The following ECPAS variants were observed in gnomAD, a reference collection of about 807,000 sequenced individuals.
The protein encoded by ECPAS is Ecm29 proteasome adaptor and scaffold.
ECPAS carries 70 observed loss-of-function variants against 255.1 expected under a neutral mutation model. The ratio of observed to expected loss-of-function variants is 0.27; its 90% CI spans 0.23 to 0.33. ECPAS has a LOEUF of 0.33. ECPAS is among the 10% of genes least tolerant of loss of function. The pLI is 1.00. For missense variants in ECPAS, 1,817 were observed against 2,206.4 expected (o/e 0.82, Z 3.54); for synonymous variants, 784 against 775.0 (o/e 1.01, Z -0.19).
In ECPAS at chr9:111,371,608, A is replaced by ATGGT. The variant is rs1209335113; in HGVS notation, c.4737+9_4737+12dup. 1 of 1,610,058 alleles carries ATGGT rather than the reference A, an allele frequency of 6.2e-7. No homozygotes were observed. Among genetic ancestry groups the ATGGT allele is most frequent in the East Asian group, 2.2e-5 (1 of 44,860 alleles). On this transcript the variant is annotated intron_variant, in intron 43 of 49. Transcript: ENST00000684092. ...TCAGAATCCCTTTAACTGGGTATGA[A>ATGGT]TGGTTCCTTTACCTTTCCTGCCCAC...
Position 111,451,684 on chromosome 9 carries a change from T to A in ECPAS, c.23-129A>T, listed in dbSNP as rs1589217391. The A allele has an allele frequency of 2.5e-5, 20 of 786,968 alleles. No individual in the cohort carries two copies. The East Asian group carries it at 5.4e-4, about 21-fold the overall frequency. 48.7% of individuals were successfully genotyped at this position (786,968 alleles called of 1,614,324 possible). A position where few individuals can be genotyped will look rare whatever the true frequency, so the allele number is the denominator to read the frequency against. ...TCAGGACTTTAACCACAGCTAGCCCTATACAGATATTTTGACACAGCAACA... is the reference window on the plus strand; with the variant it reads ...TCAGGACTTTAACCACAGCTAGCCCAATACAGATATTTTGACACAGCAACA... On this transcript the variant is annotated intron_variant, in intron 2 of 49. Transcript: ENST00000684092.
At chr9:111,410,291 GTT>G in intron 22 of ECPAS, 78 bp from the exon 23 acceptor site, 1 of 1,263,548 alleles carries the variant, frequency 7.9e-7, no homozygotes, top group Non-Finnish European at 1.1e-6. Context: ...TGTACTCAAG[GTT>G]TTTTTTAAGA....
At chr9:111,472,380 A>C (rs1285987640) in intron 2 of ECPAS, among the ~76,000 whole-genome samples, 1 of 152,052 alleles carries the variant, frequency 6.6e-6, no homozygotes, top group Non-Finnish European at 1.5e-5. Context: ...CCTTGTGCAC[A>C]GTGCTAAATA....
At position 111,423,255 on chromosome 9, in the gene ECPAS, AT is replaced by A; in HGVS notation, c.1216-8del. ...TTGACAGTAGTTTAGGGTCCTTGAA[AT>A]TAAAAAAAGAAAAGAAAGAAAAGAA... is the stretch of plus-strand genomic sequence containing the variant. On this transcript the variant is annotated splice_polypyrimidine_tract_variant and splice_region_variant and intron_variant, in intron 12 of 49. Transcript: ENST00000684092. 1 of 1,545,724 alleles carries A rather than the reference AT, an allele frequency of 6.5e-7. No homozygotes were observed.
intron 6 of ECPAS, among the ~76,000 whole-genome samples, chr9:111,439,413 T>C (rs1450826552): frequency 6.6e-6 from 1 of 151,990 alleles, no homozygotes; most frequent in Non-Finnish European, 1.5e-5. Flanking sequence ...GGACTATAGG[T>C]GCATGCCATG....
chr9:111,406,306 G>A (rs1386102757), intron 24 of ECPAS, among the ~76,000 whole-genome samples: 1 of 149,670 alleles, frequency 6.7e-6, no homozygotes, highest in Non-Finnish European at 1.5e-5. Context: ...TTGTATGTGA[G>A]AAAACTGATC....
intron 2 of ECPAS, among the ~76,000 whole-genome samples, chr9:111,452,633 T>C (rs957154376): frequency 6.6e-6 from 1 of 152,122 alleles, no homozygotes; most frequent in Admixed American, 6.6e-5. Flanking sequence ...TGCCAGAAAT[T>C]TTCCACAATA....
At chr9:111,458,267 G>C (rs894052420) in intron 2 of ECPAS, among the ~76,000 whole-genome samples, 1 of 152,086 alleles carries the variant, frequency 6.6e-6, no homozygotes, top group Non-Finnish European at 1.5e-5. Context: ...TGTCTATTAG[G>C]AACAGCATAA....
chr9:111,409,600 G>C (rs1239538738), intron 23 of ECPAS, among the ~76,000 whole-genome samples: 1 of 151,704 alleles, frequency 6.6e-6, no homozygotes, highest in Non-Finnish European at 1.5e-5. Context: ...TAAACTTGTA[G>C]TAGTAAACTG....
In ECPAS at chr9:111,412,011, T is replaced by C; in HGVS notation, c.2214+3A>G. ...AAAAAAGAATGAAAACAAAATAACA[T>C]ACGTGATTGTCTTTTGTAGTCTTTA... On this transcript the variant is annotated splice_donor_region_variant and intron_variant, in intron 21 of 49. Transcript: ENST00000684092. 1 of 1,546,532 alleles carries C rather than the reference T, an allele frequency of 6.5e-7. No homozygotes were observed. The highest frequency in any genetic ancestry group is 8.6e-7 in the Non-Finnish European group (1 of 1,156,640).
chr9:111,411,768 T>C (rs375423864), intron 21 of ECPAS: 3 of 353,256 alleles, frequency 8.5e-6, no homozygotes, highest in East Asian at 1.1e-4. Context: ...GTACCAGGGA[T>C]TCTCATGTAT....
intron 34 of ECPAS, among the ~76,000 whole-genome samples, chr9:111,383,870 C>T (rs1038150180): frequency 1.3e-5 from 2 of 151,944 alleles, no homozygotes; most frequent in African/African-American, 2.4e-5. Flanking sequence ...TACAGTGAGT[C>T]GTGATCACGC....
intron 2 of ECPAS, among the ~76,000 whole-genome samples, chr9:111,472,157 A>AG (rs1293440642): frequency 6.6e-6 from 1 of 151,982 alleles, no homozygotes; most frequent in Non-Finnish European, 1.5e-5. Context: ...CTGAGGTGGG[A>AG]GGATCGCCTG....
intron 3 of ECPAS, among the ~76,000 whole-genome samples, chr9:111,449,452 G>A (rs1346748698): frequency 1.3e-5 from 2 of 152,042 alleles, no homozygotes; most frequent in African/African-American, 4.8e-5. Context: ...AAATCTGTAT[G>A]TATTCCATAA....
chr9:111,371,461 A>T (rs530939305), intron 43 of ECPAS, among the ~76,000 whole-genome samples, 160 bp downstream of exon 43: 1 of 152,238 alleles, frequency 6.6e-6, no homozygotes, highest in South Asian at 2.1e-4. Flanking sequence ...GAAATACCAC[A>T]GTTAATCAGG....
intron 24 of ECPAS, among the ~76,000 whole-genome samples, chr9:111,407,168 G>A (rs1240272735): frequency 3.4e-5 from 5 of 146,430 alleles, no homozygotes; most frequent in African/African-American, 8.0e-5. Context: ...TTGGGAGGCC[G>A]AGGTGGGCGG....
At chr9:111,400,339 A>T (rs1393525145) in intron 24 of ECPAS, among the ~76,000 whole-genome samples, 2 of 152,164 alleles carry the variant, frequency 1.3e-5, no homozygotes, top group African/African-American at 4.8e-5. Flanking sequence ...TAAATATTTA[A>T]CTCTTCAATG....
intron 1 of ECPAS, among the ~76,000 whole-genome samples, chr9:111,481,843 C>G (rs902370740): frequency 1.3e-4 from 20 of 152,180 alleles, no homozygotes; most frequent in African/African-American, 4.8e-4. Context: ...AAAGATAAAA[C>G]CAGTCACAAA....
chr9:111,415,702 CA>C (rs34227645), intron 18 of ECPAS, among the ~76,000 whole-genome samples: 25,073 of 118,198 alleles, frequency 0.21, 2,561 homozygotes, highest in Non-Finnish European at 0.28. Flanking sequence ...GACTCCTTCT[CA>C]AAAAAAAAAA....
Sources: gnomAD v4.1 joint callset for allele counts (sites outside exome capture counted in the v4.1 genomes callset) on GRCh38, gnomAD v4.1.1 for gene constraint, MANE v1.5 for transcripts, NCBI Gene and HGNC (gene_info 2026-07-23, HGNC 2026-07-21) for gene names.